Variants in DSE observed in about 807,000 individuals in gnomAD.
The protein encoded by DSE is dermatan sulfate epimerase, also known as dermatan-sulfate epimerase.
In DSE, 36 loss-of-function variants were observed where a neutral mutation model predicts 84.4. The observed-to-expected ratio is 0.43, with a 90% confidence interval of 0.33 to 0.56. DSE has a LOEUF of 0.56. Ranked by LOEUF, DSE falls within the 20% of genes least tolerant of loss-of-function variation. DSE has a pLI of 0.06. For missense variants in DSE, 862 were observed against 1,169.6 expected (o/e 0.74, Z 3.84); for synonymous variants, 410 against 430.1 (o/e 0.95, Z 0.58).
At chr6:116,348,208 G>T (rs1778104539) in intron 2 of DSE, among the ~76,000 whole-genome samples, 1 of 152,104 alleles carries the variant, frequency 6.6e-6, no homozygotes, top group Non-Finnish European at 1.5e-5. Flanking sequence ...CGGGTGGATT[G>T]TGAGGTCAGG....
chr6:116,350,119 G>A (rs1778222783), intron 2 of DSE, among the ~76,000 whole-genome samples: 1 of 152,086 alleles, frequency 6.6e-6, no homozygotes, highest in Admixed American at 6.5e-5. Context: ...CTCAAATCCA[G>A]TTTCATTTTT....
At chr6:116,299,342 C>G (rs1017080455) in intron 2 of DSE, among the ~76,000 whole-genome samples, 1 of 151,712 alleles carries the variant, frequency 6.6e-6, no homozygotes, top group Non-Finnish European at 1.5e-5. Flanking sequence ...GAACAATGAG[C>G]ACTTTCTCTG....
chr6:116,309,784 GA>G (rs371471179), intron 2 of DSE, among the ~76,000 whole-genome samples: 1 of 152,172 alleles, frequency 6.6e-6, no homozygotes, highest in African/African-American at 2.4e-5. Context: ...TCATATGGCA[GA>G]AGGCAGAAGG....
chr6:116,308,715 T>A (rs2114724422), intron 2 of DSE, among the ~76,000 whole-genome samples: 1 of 152,258 alleles, frequency 6.6e-6, no homozygotes, highest in East Asian at 1.9e-4. Flanking sequence ...TCTCACTCTG[T>A]CACCCAGGCT....
upstream of DSE, among the ~76,000 whole-genome samples, chr6:116,367,546 C>T (rs577433809): frequency 4.6e-5 from 7 of 152,084 alleles, no homozygotes; most frequent in East Asian, 1.9e-4. Context: ...AAACTAAGGA[C>T]GACAACAACA....
intron 1 of DSE, among the ~76,000 whole-genome samples, chr6:116,386,860 T>A (rs1211412138): frequency 1.3e-5 from 2 of 152,234 alleles, no homozygotes; most frequent in African/African-American, 4.8e-5. Flanking sequence ...AATATAACCC[T>A]TTCCCATTTA....
chr6:116,255,852 A>G (rs1772120269), intron 1 of DSE: 1 of 152,244 alleles, frequency 6.6e-6, no homozygotes, highest in African/African-American at 2.4e-5. Context: ...ATTTATAGAA[A>G]AGTATAAAAT....
At chr6:116,413,957 C>T (rs977999327) in intron 2 of DSE, among the ~76,000 whole-genome samples, 3 of 152,154 alleles carry the variant, frequency 2.0e-5, no homozygotes, top group African/African-American at 7.2e-5. Flanking sequence ...CTTTTGCCTG[C>T]CGTGTTCTCA....
At chr6:116,306,794 C>T (rs991462698) in intron 2 of DSE, among the ~76,000 whole-genome samples, 1 of 152,042 alleles carries the variant, frequency 6.6e-6, no homozygotes, top group Non-Finnish European at 1.5e-5. Context: ...GGGGGCAGGA[C>T]CCTAATGATG....
intron 2 of DSE, among the ~76,000 whole-genome samples, chr6:116,323,330 G>A (rs1481477702): frequency 6.6e-6 from 1 of 152,164 alleles, no homozygotes; most frequent in East Asian, 1.9e-4. Flanking sequence ...CTTCACGACT[G>A]TACTCAATCT....
intron 2 of DSE, among the ~76,000 whole-genome samples, chr6:116,294,184 A>G (rs1261110945): frequency 6.6e-6 from 1 of 151,256 alleles, no homozygotes; most frequent in Non-Finnish European, 1.5e-5. Context: ...CCACCATGCC[A>G]GTTAATTTTT....
In DSE at chr6:116,399,245, G is replaced by T; in HGVS notation, c.-6G>T. 1 of 1,613,502 alleles carries T rather than the reference G, an allele frequency of 6.2e-7. No individual in the cohort carries two copies. The highest frequency in any genetic ancestry group is 8.5e-7 in the Non-Finnish European group (1 of 1,180,028). On this transcript the variant is annotated 5_prime_UTR_variant, in exon 2 of 6. An upstream start codon of the reference 5' UTR is lost. Transcript: ENST00000644252. ...TGCCTTGGAGATTTGGAGATCTGATGCCACGATGAGGACTCACACACGGGG... is the reference window on the plus strand; with the variant it reads ...TGCCTTGGAGATTTGGAGATCTGATTCCACGATGAGGACTCACACACGGGG...
chr6:116,415,704 C>T (rs975056803), intron 2 of DSE, among the ~76,000 whole-genome samples: 1 of 151,742 alleles, frequency 6.6e-6, no homozygotes, highest in Non-Finnish European at 1.5e-5. Context: ...CACTTACCTT[C>T]CTGCTATTTT....
chr6:116,286,486 A>T (rs1256573152), intron 2 of DSE, among the ~76,000 whole-genome samples: 1 of 152,086 alleles, frequency 6.6e-6, no homozygotes, highest in Non-Finnish European at 1.5e-5. Context: ...TATTTTCTCA[A>T]CTCTATCAGA....
Position 116,309,227 on chromosome 6 carries a change from C to A in DSE, c.-54+50260C>A, listed in dbSNP as rs139868712. 3.2e-3 allele frequency among the ~76,000 whole-genome samples: 493 copies of A among 152,234 alleles called. 4 individuals carry two copies. Among genetic ancestry groups the A allele is most frequent in the African/African-American group, 0.011 (455 of 41,530 alleles). The stretch of plus-strand genomic sequence containing the variant: ...TTTTATTCCCCCCTCATCCTGTATA[C>A]ACACAACTCTACTTTTTAGGTGGAT... On this transcript the variant is annotated intron_variant, in intron 2 of 3. Coordinates refer to the DSE transcript ENST00000430252.
intron 2 of DSE, among the ~76,000 whole-genome samples, chr6:116,326,513 C>G (rs990644981): frequency 6.6e-6 from 1 of 152,152 alleles, no homozygotes; most frequent in African/African-American, 2.4e-5. Flanking sequence ...GACCATTTGT[C>G]TCTTTTCACT....
intron 1 of DSE, among the ~76,000 whole-genome samples, chr6:116,376,272 G>A (rs571078185): frequency 1.3e-5 from 2 of 152,152 alleles, no homozygotes. Context: ...GCCCTGGGCC[G>A]ATTGCTCAGT....
chr6:116,357,756 G>C (rs1046197102), intron 2 of DSE, among the ~76,000 whole-genome samples: 5 of 152,100 alleles, frequency 3.3e-5, no homozygotes, highest in Non-Finnish European at 7.4e-5. Context: ...TTTCCCCAAT[G>C]ATTCCAAGCC....
At chr6:116,317,740 G>GT (rs1223954270) in intron 2 of DSE, among the ~76,000 whole-genome samples, 5 of 152,158 alleles carry the variant, frequency 3.3e-5, no homozygotes, top group Non-Finnish European at 7.3e-5. Context: ...TCTAAACAAA[G>GT]TGTGCAATTG....
Sources: allele counts gnomAD v4.1 joint callset (sites outside exome capture counted in the v4.1 genomes callset), GRCh38; gene constraint gnomAD v4.1.1; transcripts MANE v1.5; gene names NCBI Gene and HGNC (gene_info 2026-07-23, HGNC 2026-07-21).